Variants in UNC5D observed in about 807,000 individuals in gnomAD.
UNC5D encodes the protein unc-5 netrin receptor D.
UNC5D carries 39 observed loss-of-function variants against 105.4 expected under a neutral mutation model. The observed-to-expected ratio is 0.37, with a 90% CI of 0.29 to 0.48. The LOEUF (loss-of-function observed/expected upper bound fraction) is 0.48. Ranked by LOEUF, UNC5D falls within the 20% of genes least tolerant of loss-of-function variation. UNC5D has a pLI of 0.98. For missense variants in UNC5D, 991 were observed against 1,202.4 expected (o/e 0.82, Z 2.60); for synonymous variants, 452 against 450.4 (o/e 1.00, Z -0.04).
At chr8:35,410,570 CT>C (rs1292947441) in intron 1 of UNC5D, among the ~76,000 whole-genome samples, 9 of 152,048 alleles carry the variant, frequency 5.9e-5, no homozygotes, top group Non-Finnish European at 1.5e-5. Flanking sequence ...CAAAGAACAT[CT>C]CTTTCAGTGA....
chr8:35,535,233 TG>T (rs1479615630), intron 1 of UNC5D, among the ~76,000 whole-genome samples: 1 of 152,166 alleles, frequency 6.6e-6, no homozygotes, highest in Non-Finnish European at 1.5e-5. Flanking sequence ...CCTATTCATT[TG>T]TACATGGAGG....
At chr8:35,645,474 A>G (rs1213166015) in intron 4 of UNC5D, among the ~76,000 whole-genome samples, 3 of 152,062 alleles carry the variant, frequency 2.0e-5, no homozygotes, top group Admixed American at 2.0e-4. Context: ...TACAAATAAT[A>G]AGATTACTTG....
chr8:35,267,842 A>G (rs985192416), intron 1 of UNC5D, among the ~76,000 whole-genome samples: 1 of 152,122 alleles, frequency 6.6e-6, no homozygotes, highest in Non-Finnish European at 1.5e-5. Flanking sequence ...TTTTTTTCAG[A>G]AAGGAAAATT....
At chr8:35,339,093 T>G (rs1012266875) in intron 1 of UNC5D, among the ~76,000 whole-genome samples, 2 of 152,186 alleles carry the variant, frequency 1.3e-5, no homozygotes, top group Non-Finnish European at 1.5e-5. Flanking sequence ...ACCCATGTAA[T>G]AGTTTGATGT....
chr8:35,465,861 G>T (rs924881300), intron 1 of UNC5D, among the ~76,000 whole-genome samples: 1 of 152,134 alleles, frequency 6.6e-6, no homozygotes, highest in African/African-American at 2.4e-5. Context: ...GGATGTTATC[G>T]TAGAAGACAA....
At chr8:35,337,842 T>A (rs1811163989) in intron 1 of UNC5D, among the ~76,000 whole-genome samples, 1 of 152,228 alleles carries the variant, frequency 6.6e-6, no homozygotes, top group African/African-American at 2.4e-5. Context: ...TTTTTAGTTA[T>A]TACCATCAAA....
intron 1 of UNC5D, chr8:35,525,325 G>A (rs1268236644): frequency 1.9e-6 from 3 of 1,612,186 alleles, no homozygotes; most frequent in Non-Finnish European, 1.7e-6. Context: ...TTTTCCACTT[G>A]ATATGGGGGT....
At chr8:35,687,240 G>A (rs1480075260) in intron 7 of UNC5D, among the ~76,000 whole-genome samples, 1 of 152,078 alleles carries the variant, frequency 6.6e-6, no homozygotes, top group Non-Finnish European at 1.5e-5. Context: ...TCAGGAGATC[G>A]AGACCATCCT....
At chr8:35,552,876 G>A (rs1157571112) in intron 2 of UNC5D, among the ~76,000 whole-genome samples, 1 of 152,054 alleles carries the variant, frequency 6.6e-6, no homozygotes, top group African/African-American at 2.4e-5. Flanking sequence ...GGCAACCAAG[G>A]GAATGACATC....
At chr8:35,543,795 C>A (rs1586092892) in intron 1 of UNC5D, among the ~76,000 whole-genome samples, 1 of 152,142 alleles carries the variant, frequency 6.6e-6, no homozygotes, top group African/African-American at 2.4e-5. Flanking sequence ...GATCTGGAAT[C>A]GCAGTCCAGC....
Position 35,748,689 on chromosome 8 carries a change from A to G in UNC5D, c.1929A>G (p.Lys643=). 1.9e-6 allele frequency: 3 copies of G among 1,613,108 alleles called. No homozygotes were observed. Among genetic ancestry groups the G allele is most frequent in the Non-Finnish European group, 2.5e-6 (3 of 1,179,564 alleles). ...IHLKKRTQQG[K]WEEVMSVEDE... Reference sequence around the variant, plus strand: ...TAAAGAAGAGGACACAGCAGGGCAAATGGGAGGTGAGACCCTTTACTTCCT... The same window carrying G: ...TAAAGAAGAGGACACAGCAGGGCAAGTGGGAGGTGAGACCCTTTACTTCCT... Residue 643 remains lysine (K), a synonymous_variant, in exon 12 of 17, where the codon AAA becomes AAG. Transcript: ENST00000404895.
At chr8:35,245,816 A>G (rs1323462966) in intron 1 of UNC5D, among the ~76,000 whole-genome samples, 2 of 152,156 alleles carry the variant, frequency 1.3e-5, no homozygotes, top group Non-Finnish European at 2.9e-5. Context: ...TGTGTATTAT[A>G]TATTAGTAGA....
At chr8:35,728,095 A>AAAAATATATATATAT (rs34672872) in intron 10 of UNC5D, among the ~76,000 whole-genome samples, 1 of 110,360 alleles carries the variant, frequency 9.1e-6, no homozygotes, top group African/African-American at 5.5e-5. Flanking sequence ...AAAAAAAAAA[A>AAAAATATATATATAT]ATATATATAT....
At chr8:35,647,295 C>G (rs140869759) in intron 4 of UNC5D, among the ~76,000 whole-genome samples, 283 of 152,082 alleles carry the variant, frequency 1.9e-3, no homozygotes, top group African/African-American at 6.2e-3. Flanking sequence ...CCACACAAAC[C>G]AGCAGTGGAA....
At chr8:35,548,725 T>C (rs1423823931) in intron 1 of UNC5D, among the ~76,000 whole-genome samples, 2 of 152,204 alleles carry the variant, frequency 1.3e-5, no homozygotes, top group African/African-American at 4.8e-5. Context: ...TCATGTTCCC[T>C]TTGAAGGGGC....
intron 1 of UNC5D, among the ~76,000 whole-genome samples, chr8:35,374,051 C>A (rs538297229): frequency 1.3e-5 from 2 of 152,150 alleles, no homozygotes; most frequent in African/African-American, 4.8e-5. Flanking sequence ...ATGAACTTTG[C>A]AGAGAGATCC....
At chr8:35,569,173 G>A (rs1048401343) in intron 3 of UNC5D, among the ~76,000 whole-genome samples, 3 of 151,618 alleles carry the variant, frequency 2.0e-5, no homozygotes, top group Admixed American at 2.0e-4. Flanking sequence ...TTTTAAAAAA[G>A]TTTCATAAAT....
At chr8:35,434,320 T>C (rs1163083776) in intron 1 of UNC5D, among the ~76,000 whole-genome samples, 2 of 152,162 alleles carry the variant, frequency 1.3e-5, no homozygotes, top group Non-Finnish European at 2.9e-5. Flanking sequence ...GATTCCATTT[T>C]AGATTTAAAA....
chr8:35,648,096 GAATCAT>G (rs754697048), intron 4 of UNC5D, among the ~76,000 whole-genome samples: 1 of 152,100 alleles, frequency 6.6e-6, no homozygotes, highest in Non-Finnish European at 1.5e-5. Context: ...TGCAAACAGT[GAATCAT>G]AATACAGCAC....
Sources: allele counts gnomAD v4.1 joint callset (sites outside exome capture counted in the v4.1 genomes callset), GRCh38; gene constraint gnomAD v4.1.1; transcripts MANE v1.5; gene names NCBI Gene and HGNC (gene_info 2026-07-23, HGNC 2026-07-21).